The following PKIB variants were observed in gnomAD, a reference collection of about 807,000 sequenced individuals.
PKIB encodes the protein cAMP-dependent protein kinase inhibitor beta.
PKIB carries 2 observed loss-of-function variants against 4.5 expected under a neutral mutation model. That is an observed-to-expected ratio of 0.44 (90% CI 0.18 to 1.39). PKIB has a LOEUF of 1.39. PKIB is among the 40% of genes most tolerant of loss of function. PKIB has a pLI of 0.27. For synonymous variants in PKIB, 38 were observed against 36.0 expected (o/e 1.06, Z -0.20); for missense variants, 94 against 92.6 (o/e 1.02, Z -0.06).
intron 2 of PKIB, among the ~76,000 whole-genome samples, chr6:122,534,076 T>C (rs1777335576): frequency 6.6e-6 from 1 of 151,068 alleles, no homozygotes; most frequent in Non-Finnish European, 1.5e-5. Flanking sequence ...ATCTATTTTT[T>C]AAATAATGAC....
intron 2 of PKIB, among the ~76,000 whole-genome samples, chr6:122,490,513 T>G (rs1213923075): frequency 1.3e-5 from 2 of 152,000 alleles, no homozygotes; most frequent in African/African-American, 4.8e-5. Context: ...TCATGAGTGG[T>G]TTAGCACCAT....
chr6:122,526,418 T>C (rs1248324370), intron 2 of PKIB, among the ~76,000 whole-genome samples: 3 of 152,126 alleles, frequency 2.0e-5, no homozygotes, highest in African/African-American at 7.2e-5. Flanking sequence ...CTTATAAATG[T>C]ATTTTTTAAA....
In PKIB at chr6:122,490,614, C is replaced by T. The variant is rs1311365421; in HGVS notation, c.-248+12675C>T. Among the ~76,000 whole-genome samples, 5 of 152,124 alleles carry T rather than the reference C, an allele frequency of 3.3e-5. No homozygotes were observed. The South Asian group carries it at 6.2e-4, about 19-fold the overall frequency. ...CTCTCCCTTCTCTCTTTCTTGCTCTCATTCTCATCATGTGGCATATTGGCT... is the reference window on the plus strand; with the variant it reads ...CTCTCCCTTCTCTCTTTCTTGCTCTTATTCTCATCATGTGGCATATTGGCT... On this transcript the variant is annotated intron_variant, in intron 2 of 6. Coordinates refer to the PKIB transcript ENST00000392491.
intron 2 of PKIB, among the ~76,000 whole-genome samples, chr6:122,548,505 T>A (rs1772574663): frequency 6.6e-6 from 1 of 152,226 alleles, no homozygotes; most frequent in Non-Finnish European, 1.5e-5. Context: ...CTAGCTGTCA[T>A]TTCATTTCAA....
At chr6:122,547,733 T>A (rs1772545159) in intron 2 of PKIB, among the ~76,000 whole-genome samples, 1 of 126,030 alleles carries the variant, frequency 7.9e-6, no homozygotes, top group South Asian at 2.3e-4. Flanking sequence ...CGGCTCTCCC[T>A]ACAGGGTCAC....
At chr6:122,542,395 T>C (rs1777633271) in intron 2 of PKIB, among the ~76,000 whole-genome samples, 1 of 152,050 alleles carries the variant, frequency 6.6e-6, no homozygotes. Flanking sequence ...TAGTTTTCCT[T>C]CTAACAGACA....
chr6:122,559,574 G>A (rs971487941), intron 2 of PKIB, among the ~76,000 whole-genome samples: 2 of 151,912 alleles, frequency 1.3e-5, no homozygotes, highest in African/African-American at 4.8e-5. Context: ...TTCTAATTCT[G>A]TGAAGAATGA....
At chr6:122,587,106 A>G (rs1773873666) in intron 3 of PKIB, among the ~76,000 whole-genome samples, 2 of 151,976 alleles carry the variant, frequency 1.3e-5, no homozygotes, top group Admixed American at 6.6e-5. Flanking sequence ...TACATGTGCC[A>G]TATTGGTGTG....
rs1304048472 is a variant in PKIB, at chr6:122,725,168, G to T, written c.210G>T (p.Leu70Phe). ...ATGAAAAAACAACACAAGACCAATT[G>T]GAAAAGCCTCAAAATGAAGAAAAAT... ...EKDEKTTQDQLEKPQNEEK is the reference protein window; with the variant it reads ...EKDEKTTQDQFEKPQNEEK The change falls in exon 5 of 5, where the codon TTG becomes TTT. Residue 70 changes from leucine (L) to phenylalanine (F), a missense_variant. Transcript: ENST00000368452. The T allele has an allele frequency of 6.2e-7, 1 of 1,610,740 alleles. No homozygotes were observed. Among genetic ancestry groups the T allele is most frequent in the Non-Finnish European group, 8.5e-7 (1 of 1,178,662 alleles).
chr6:122,624,195 A>T (rs186622436), intron 1 of PKIB, among the ~76,000 whole-genome samples: 249 of 152,308 alleles, frequency 1.6e-3, no homozygotes, highest in Middle Eastern at 3.4e-3. Context: ...AACTTAATCA[A>T]AATCCAAAGC....
At chr6:122,504,610 G>A (rs925510367) in intron 2 of PKIB, among the ~76,000 whole-genome samples, 2 of 152,142 alleles carry the variant, frequency 1.3e-5, no homozygotes, top group Admixed American at 6.5e-5. Context: ...TCCATAGCTT[G>A]AACAATGATT....
rs113073140 is a variant in PKIB, at chr6:122,537,577, G to A, written c.-247-48344G>A. On this transcript the variant is annotated intron_variant, in intron 2 of 6. Coordinates refer to the PKIB transcript ENST00000392491. ...CCACATTTTCTTCATCCAGTCTATC[G>A]TTGTTGGACATTAGGGTTGGTTCCA... Among the ~76,000 whole-genome samples, 107 of 152,156 alleles carry A rather than the reference G, an allele frequency of 7.0e-4. 2 individuals are homozygous for A. The highest frequency in any genetic ancestry group is 3.4e-3 in the Middle Eastern group (1 of 294).
intron 1 of PKIB, among the ~76,000 whole-genome samples, chr6:122,620,774 T>C (rs1284596461): frequency 6.6e-6 from 1 of 152,232 alleles, no homozygotes; most frequent in African/African-American, 2.4e-5. Context: ...TGCTGTTTTG[T>C]AAATTTTTAA....
intron 3 of PKIB, among the ~76,000 whole-genome samples, chr6:122,592,217 G>C (rs1311255515): frequency 9.2e-5 from 14 of 151,856 alleles, no homozygotes; most frequent in Admixed American, 9.2e-4. Context: ...GAAGCTGGCA[G>C]GGCATCATTT....
intron 2 of PKIB, among the ~76,000 whole-genome samples, chr6:122,573,425 G>T (rs533695040): frequency 3.3e-4 from 50 of 151,350 alleles, no homozygotes; most frequent in Admixed American, 7.2e-4. Flanking sequence ...GCGAGGCTGA[G>T]GTGGAAGGAT....
At chr6:122,493,534 C>T (rs1164809879) in intron 2 of PKIB, 2 of 152,126 alleles carry the variant, frequency 1.3e-5, no homozygotes, top group African/African-American at 2.4e-5. Context: ...ATGTTTCTAA[C>T]AGATTTTATT....
chr6:122,514,746 A>G (rs1039017686), intron 2 of PKIB, among the ~76,000 whole-genome samples: 1 of 152,098 alleles, frequency 6.6e-6, no homozygotes, highest in Non-Finnish European at 1.5e-5. Context: ...ACAACAGCCC[A>G]GGGATAGGGA....
intron 3 of PKIB, among the ~76,000 whole-genome samples, chr6:122,604,096 T>C (rs1774455766): frequency 6.6e-6 from 1 of 152,144 alleles, no homozygotes; most frequent in Admixed American, 6.5e-5. Flanking sequence ...TTGGTTAGGG[T>C]TAGCAATTCA....
intron 1 of PKIB, among the ~76,000 whole-genome samples, chr6:122,630,787 T>A (rs1775665203): frequency 6.6e-6 from 1 of 152,170 alleles, no homozygotes; most frequent in Non-Finnish European, 1.5e-5. Context: ...CAGTTTATGA[T>A]CCTCAGTATA....
Sources: gnomAD v4.1 joint callset for allele counts (sites outside exome capture counted in the v4.1 genomes callset) on GRCh38, gnomAD v4.1.1 for gene constraint, MANE v1.5 for transcripts, NCBI Gene and HGNC (gene_info 2026-07-23, HGNC 2026-07-21) for gene names.